MAPK10: variants seen among roughly 807,000 people sequenced by gnomAD.
MAPK10 encodes the protein mitogen-activated protein kinase 10.
A neutral mutation model predicts 59.3 loss-of-function variants in MAPK10; 25 were observed. The ratio of observed to expected loss-of-function variants is 0.42; its 90% CI spans 0.31 to 0.59. The LOEUF (loss-of-function observed/expected upper bound fraction) is 0.59. Ranked by LOEUF, MAPK10 falls within the 20% of genes least tolerant of loss-of-function variation. The pLI is 0.15. For synonymous variants in MAPK10, 190 were observed against 200.5 expected (o/e 0.95, Z 0.44); for missense variants, 351 against 568.9 (o/e 0.62, Z 3.90).
chr4:86,236,773 G>T (rs956870236), intron 2 of MAPK10, among the ~76,000 whole-genome samples: 1 of 152,114 alleles, frequency 6.6e-6, no homozygotes, highest in East Asian at 1.9e-4. Context: ...GTGAGTAAAA[G>T]CAGGGAAGAA....
chr4:86,525,300 A>G (rs987679727), intron 1 of MAPK10, among the ~76,000 whole-genome samples: 2 of 152,152 alleles, frequency 1.3e-5, no homozygotes, highest in African/African-American at 4.8e-5. Context: ...CATCTCAATT[A>G]AAAAATAAAA....
At chr4:86,527,674 GA>G (rs1232552813) in intron 1 of MAPK10, among the ~76,000 whole-genome samples, 1 of 152,156 alleles carries the variant, frequency 6.6e-6, no homozygotes, top group Non-Finnish European at 1.5e-5. Flanking sequence ...ATAGCCAGAG[GA>G]AAATAAATCA....
At chr4:86,248,689 C>T (rs1341072200) in intron 2 of MAPK10, among the ~76,000 whole-genome samples, 3 of 152,140 alleles carry the variant, frequency 2.0e-5, no homozygotes, top group Non-Finnish European at 4.4e-5. Context: ...AACTGAGAAT[C>T]GGGATATACG....
intron 1 of MAPK10, among the ~76,000 whole-genome samples, chr4:86,589,398 T>C (rs112398762): frequency 0.047 from 7,097 of 152,170 alleles, 222 homozygotes; most frequent in African/African-American, 0.061. Flanking sequence ...ATGTAAAATG[T>C]GAGCGGGCAC....
At chr4:86,027,993 G>C (rs1031362971) in intron 13 of MAPK10, 1 of 152,206 alleles carries the variant, frequency 6.6e-6, no homozygotes, top group African/African-American at 2.4e-5. Flanking sequence ...TAACATGCTA[G>C]GTTACCCGTG....
chr4:86,351,340 TACA>T (rs373857927), intron 2 of MAPK10, among the ~76,000 whole-genome samples: 1,944 of 150,578 alleles, frequency 0.013, 8 homozygotes, highest in Non-Finnish European at 0.015. Context: ...GACAATATAT[TACA>T]ACATTAGTCA....
intron 1 of MAPK10, among the ~76,000 whole-genome samples, chr4:86,577,719 A>G (rs1003501246): frequency 1.3e-5 from 2 of 152,220 alleles, no homozygotes; most frequent in African/African-American, 4.8e-5. Context: ...TACTCTATGC[A>G]ACTCAGTTTT....
intron 1 of MAPK10, among the ~76,000 whole-genome samples, chr4:86,469,608 A>G (rs1042726182): frequency 6.6e-6 from 1 of 152,238 alleles, no homozygotes; most frequent in African/African-American, 2.4e-5. Context: ...TAGCAGAAAG[A>G]GGATAGTAAA....
At chr4:86,033,199 C>G (rs780354333) in intron 11 of MAPK10, among the ~76,000 whole-genome samples, 3 of 152,228 alleles carry the variant, frequency 2.0e-5, no homozygotes, top group Admixed American at 6.5e-5. Flanking sequence ...CCTAAGGAAG[C>G]TACCACAAAG....
intron 1 of MAPK10, among the ~76,000 whole-genome samples, chr4:86,543,455 T>C (rs976586220): frequency 6.6e-6 from 1 of 152,172 alleles, no homozygotes; most frequent in African/African-American, 2.4e-5. Context: ...CCTGAGACTC[T>C]ACACGATGGC....
intron 1 of MAPK10, among the ~76,000 whole-genome samples, chr4:86,504,148 T>A (rs777931327): frequency 6.6e-6 from 1 of 152,212 alleles, no homozygotes; most frequent in Non-Finnish European, 1.5e-5. Flanking sequence ...TTTTTTATTG[T>A]CTGTCTCTTC....
chr4:86,035,568 G>A (rs1283994386), intron 11 of MAPK10, among the ~76,000 whole-genome samples: 2 of 150,010 alleles, frequency 1.3e-5, no homozygotes, highest in African/African-American at 2.5e-5. Context: ...TTCTGACTGC[G>A]GTTAAAAAAA....
Position 86,101,228 on chromosome 4 carries a change from G to A in MAPK10, c.565-11C>T, listed in dbSNP as rs1324497730. 3 of 1,608,016 alleles carry A rather than the reference G, an allele frequency of 1.9e-6. No individual in the cohort carries two copies. The Admixed American group carries it at 5.0e-5, about 27-fold the overall frequency. On this transcript the variant is annotated splice_polypyrimidine_tract_variant and intron_variant, in intron 7 of 13. Coordinates refer to ENST00000641462, the MANE Select transcript of MAPK10 (RefSeq NM_138982.4). ...ACTTGGTTTTAAATCCTAACAGTAA[G>A]GATAAGGGAAAAAATTAAAAGCCAG...
intron 1 of MAPK10, among the ~76,000 whole-genome samples, chr4:86,383,249 A>T (rs1461736242): frequency 6.6e-6 from 1 of 152,132 alleles, no homozygotes; most frequent in African/African-American, 2.4e-5. Flanking sequence ...GGTGTTGAGT[A>T]TTTAGTCTAG....
chr4:86,389,252 G>T (rs1177989450), intron 1 of MAPK10, among the ~76,000 whole-genome samples: 1 of 152,030 alleles, frequency 6.6e-6, no homozygotes, highest in Non-Finnish European at 1.5e-5. Flanking sequence ...GTTTCCTAAG[G>T]CCTCCCCAGA....
intron 2 of MAPK10, among the ~76,000 whole-genome samples, chr4:86,278,943 CA>C (rs1230609995): frequency 4.6e-5 from 7 of 152,082 alleles, no homozygotes; most frequent in Non-Finnish European, 1.0e-4. Context: ...GATTCTGGAT[CA>C]AATCTTGAAA....
intron 1 of MAPK10, among the ~76,000 whole-genome samples, chr4:86,473,928 T>C (rs1055615000): frequency 1.3e-5 from 2 of 152,132 alleles, no homozygotes; most frequent in Non-Finnish European, 2.9e-5. Flanking sequence ...GATGGAAGGA[T>C]AGCTTAAGGC....
At chr4:86,263,862 A>G (rs1160716306) in intron 2 of MAPK10, among the ~76,000 whole-genome samples, 1 of 152,214 alleles carries the variant, frequency 6.6e-6, no homozygotes, top group Non-Finnish European at 1.5e-5. Flanking sequence ...TATTATTGAT[A>G]ACATCATTGT....
At chr4:86,512,347 A>G (rs1756343093) in intron 1 of MAPK10, among the ~76,000 whole-genome samples, 1 of 152,216 alleles carries the variant, frequency 6.6e-6, no homozygotes, top group African/African-American at 2.4e-5. Context: ...AGCATTGGCT[A>G]TATTACCAAG....
Sources: gnomAD v4.1 joint callset for allele counts (sites outside exome capture counted in the v4.1 genomes callset) on GRCh38, gnomAD v4.1.1 for gene constraint, MANE v1.5 for transcripts, NCBI Gene and HGNC (gene_info 2026-07-23, HGNC 2026-07-21) for gene names.